CCDC91: variants seen among roughly 807,000 people sequenced by gnomAD.
The protein encoded by CCDC91 is coiled-coil domain-containing protein 91.
Under a neutral mutation model 63.2 loss-of-function variants are expected in CCDC91, and 48 were observed. That is an observed-to-expected ratio of 0.76 (90% CI 0.60 to 0.97). The LOEUF is 0.97. Ranked by LOEUF, CCDC91 falls within the 50% of genes least tolerant of loss-of-function variation. The pLI, the probability that CCDC91 is intolerant of heterozygous loss-of-function variation, is 0.00. For synonymous variants in CCDC91, 167 were observed against 165.8 expected (o/e 1.01, Z -0.06); for missense variants, 500 against 494.6 (o/e 1.01, Z -0.10).
At chr12:28,444,184 AAATTATATGTTATGAAACCTATTG>A (rs1390136513) in intron 8 of CCDC91, among the ~76,000 whole-genome samples, 1 of 152,208 alleles carries the variant, frequency 6.6e-6, no homozygotes, top group African/African-American at 2.4e-5. Context: ...GCAACAAATT[AAATTATATGTTATGAAACCTATTG>A]AGGTGGAGAA....
intron 1 of CCDC91, among the ~76,000 whole-genome samples, chr12:28,235,203 A>T (rs1359865788): frequency 2.0e-5 from 3 of 152,212 alleles, no homozygotes; most frequent in Non-Finnish European, 2.9e-5. Context: ...TATCTCACCC[A>T]TGCTACTGGT....
At chr12:28,367,128 G>A (rs913538365) in intron 7 of CCDC91, among the ~76,000 whole-genome samples, 2 of 152,212 alleles carry the variant, frequency 1.3e-5, no homozygotes, top group African/African-American at 2.4e-5. Flanking sequence ...AAGGACAACA[G>A]ATGCTGAACT....
At chr12:28,518,389 T>G (rs12317339) in intron 12 of CCDC91, among the ~76,000 whole-genome samples, 62,215 of 151,928 alleles carry the variant, frequency 0.41, 13,315 homozygotes, top group South Asian at 0.48. Context: ...TTAGTGATGT[T>G]GAGCATTTTT....
chr12:28,195,899 G>A (rs1301824022), intron 1 of CCDC91, among the ~76,000 whole-genome samples: 1 of 152,148 alleles, frequency 6.6e-6, no homozygotes, highest in Admixed American at 6.5e-5. Context: ...GAGCCCAGGA[G>A]TTCAAGAGCA....
chr12:28,244,601 G>A, intron 1 of CCDC91, among the ~76,000 whole-genome samples: 1 of 147,860 alleles, frequency 6.8e-6, no homozygotes, highest in Non-Finnish European at 1.5e-5. Context: ...GCTGGCTAGG[G>A]GCTGGATTCA....
At chr12:28,360,230 G>C (rs1162530314) in intron 6 of CCDC91, among the ~76,000 whole-genome samples, 1 of 152,204 alleles carries the variant, frequency 6.6e-6, no homozygotes, top group Non-Finnish European at 1.5e-5. Flanking sequence ...AAAAGAATAA[G>C]ATGTTGATAA....
At chr12:28,322,598 C>T (rs1239588709) in intron 6 of CCDC91, among the ~76,000 whole-genome samples, 1 of 151,662 alleles carries the variant, frequency 6.6e-6, no homozygotes, top group Non-Finnish European at 1.5e-5. Context: ...TTCTCTGCTT[C>T]CTTATTTTTT....
chr12:28,280,863 G>T (rs1193533154), intron 3 of CCDC91, among the ~76,000 whole-genome samples: 2 of 150,680 alleles, frequency 1.3e-5, no homozygotes, highest in Admixed American at 1.3e-4. Context: ...TGTAGTCCCA[G>T]CTACTTTTAA....
chr12:28,394,410 G>T (rs1324767693), intron 8 of CCDC91, among the ~76,000 whole-genome samples: 1 of 151,774 alleles, frequency 6.6e-6, no homozygotes, highest in Non-Finnish European at 1.5e-5. Flanking sequence ...AGCTTGCAGT[G>T]ACCCGAGATC....
intron 3 of CCDC91, among the ~76,000 whole-genome samples, chr12:28,277,332 TAATA>T (rs1948304670): frequency 6.6e-6 from 1 of 152,018 alleles, no homozygotes; most frequent in African/African-American, 2.4e-5. Context: ...TTGATGAGGA[TAATA>T]AATTTTTGGT....
rs374243523 is a variant in CCDC91 at position 28,209,490 on chromosome 12, G to A, written c.-15+18849G>A. 4.6e-5 allele frequency among the ~76,000 whole-genome samples: 7 copies of A among 152,114 alleles called. No homozygotes were observed. In the South Asian group the frequency reaches 1.5e-3, roughly 32 times the overall value. On this transcript the variant is annotated intron_variant, in intron 1 of 12. Transcript: ENST00000536442. ...GACAGAGTTTCACTCTTTCGCCCGT[G>A]GTGTGATCTCGGCTCACTGCAACCT...
chr12:28,547,918 C>T (rs781027506), intron 12 of CCDC91, among the ~76,000 whole-genome samples: 1 of 152,038 alleles, frequency 6.6e-6, no homozygotes, highest in Non-Finnish European at 1.5e-5. Context: ...AGAAGAATGA[C>T]AACTTTTACA....
intron 6 of CCDC91, among the ~76,000 whole-genome samples, chr12:28,350,679 T>G (rs1190310530): frequency 6.6e-6 from 1 of 152,202 alleles, no homozygotes; most frequent in Non-Finnish European, 1.5e-5. Context: ...GAAATTAATG[T>G]GTCAGCAGGG....
Position 28,194,878 on chromosome 12 carries a change from C to T in CCDC91, c.-15+4237C>T, listed in dbSNP as rs146821298. ...AGTTGTTCGTTCTTCCTGGTGGGTT[C>T]GTGGTCTCGCTGGCTTCAGGAGTGA... On this transcript the variant is annotated intron_variant, in intron 1 of 12. Coordinates refer to ENST00000536442, the MANE Select transcript of CCDC91 (RefSeq NM_018318.5). 3.6e-3 allele frequency among the ~76,000 whole-genome samples: 504 copies of T among 140,436 alleles called. 5 individuals are homozygous for T. Among genetic ancestry groups the T allele is most frequent in the African/African-American group, 0.012 (462 of 37,446 alleles). The allele number at this position is 140,436 out of a possible 152,430, so 92.1% of individuals were successfully genotyped here.
At chr12:28,413,135 C>T (rs897279098) in intron 8 of CCDC91, among the ~76,000 whole-genome samples, 11 of 152,102 alleles carry the variant, frequency 7.2e-5, no homozygotes, top group African/African-American at 2.2e-4. Context: ...GTTAAAGATA[C>T]TATATAAGCT....
At chr12:28,435,745 C>T (rs1565968725) in intron 8 of CCDC91, among the ~76,000 whole-genome samples, 2 of 151,694 alleles carry the variant, frequency 1.3e-5, no homozygotes, top group Admixed American at 6.6e-5. Flanking sequence ...TATCTTTTCT[C>T]CTTGCAGTTC....
intron 6 of CCDC91, among the ~76,000 whole-genome samples, chr12:28,332,779 C>T (rs1220489243): frequency 2.0e-5 from 3 of 151,904 alleles, no homozygotes; most frequent in Admixed American, 1.3e-4. Flanking sequence ...TTAGATATTC[C>T]TGATTTATTA....
At chr12:28,546,852 T>C (rs1943025572) in intron 12 of CCDC91, among the ~76,000 whole-genome samples, 1 of 152,098 alleles carries the variant, frequency 6.6e-6, no homozygotes, top group Admixed American at 6.6e-5. Context: ...ATTTACAATA[T>C]GCAGATGTGA....
intron 6 of CCDC91, among the ~76,000 whole-genome samples, chr12:28,314,525 T>C (rs1169775959): frequency 2.0e-5 from 3 of 152,012 alleles, no homozygotes; most frequent in Admixed American, 6.6e-5. Context: ...CAGTTATGTG[T>C]AGGTAACCCA....
Sources: gnomAD v4.1 joint callset for allele counts (sites outside exome capture counted in the v4.1 genomes callset) on GRCh38, gnomAD v4.1.1 for gene constraint, MANE v1.5 for transcripts, NCBI Gene and HGNC (gene_info 2026-07-23, HGNC 2026-07-21) for gene names.